Variants in CACNA2D4 observed in about 807,000 individuals in gnomAD.
CACNA2D4 encodes voltage-dependent calcium channel subunit alpha-2/delta-4.
In CACNA2D4, 157 loss-of-function variants were observed where a neutral mutation model predicts 163.8. The observed-to-expected ratio is 0.96, with a 90% confidence interval of 0.84 to 1.09. CACNA2D4 has a LOEUF of 1.09. CACNA2D4 is among the 50% of genes least tolerant of loss of function. The pLI, the probability that CACNA2D4 is intolerant of heterozygous loss-of-function variation, is 0.00. For missense variants in CACNA2D4, 1,410 were observed against 1,479.9 expected (o/e 0.95, Z 0.78); for synonymous variants, 598 against 586.9 (o/e 1.02, Z -0.27).
intron 26 of CACNA2D4, among the ~76,000 whole-genome samples, chr12:1,813,774 C>T (rs1380690881): frequency 6.6e-6 from 1 of 152,104 alleles, no homozygotes; most frequent in Non-Finnish European, 1.5e-5. Flanking sequence ...TTCCAGGTAG[C>T]TGAAAGGAGT....
At chr12:1,915,306 C>T (rs1021202699) in intron 1 of CACNA2D4, 6 of 701,368 alleles carry the variant, frequency 8.6e-6, no homozygotes, top group Non-Finnish European at 1.6e-5. Flanking sequence ...GGCAGGTTCT[C>T]CTGCTGAGGG....
chr12:1,800,695 G>A, intron 31 of CACNA2D4: 1 of 594,930 alleles, frequency 1.7e-6, no homozygotes, highest in Admixed American at 2.9e-5. Flanking sequence ...CCCTCCAGGA[G>A]ACGAGTCAAG....
chr12:1,800,003 C>T lies in CACNA2D4; in HGVS notation c.2971G>A (p.Glu991Lys), dbSNP rs558680428. The stretch of plus-strand genomic sequence containing the variant: ...CCCTGCAGCTCCGTGCACTCACCCT[C>T]GGCCCCTCTGTCGTACCAGGAGCCC... Reference protein sequence around the residue: ...VWGSWYDRGAEAKSVFHHSHK... With the variant: ...VWGSWYDRGAKAKSVFHHSHK... The change falls in exon 33 of 38, where the codon GAG becomes AAG. Residue 991 changes from glutamate to lysine, a missense_variant. Glu to Lys is a moderately conservative substitution (Grantham distance 56, BLOSUM62 1). Transcript: ENST00000382722. 4.7e-5 allele frequency: 75 copies of T among 1,603,784 alleles called. 1 individual carries two copies. Among genetic ancestry groups the T allele is most frequent in the South Asian group, 4.0e-4 (36 of 88,902 alleles).
At chr12:1,880,519 G>A (rs1002781466) in intron 13 of CACNA2D4, among the ~76,000 whole-genome samples, 7 of 152,236 alleles carry the variant, frequency 4.6e-5, no homozygotes, top group Admixed American at 2.6e-4. Context: ...TCGCCGTGCC[G>A]GCTCCTCCAG....
rs148585401 is a variant in CACNA2D4 at position 1,829,544 on chromosome 12, G to A, written c.2551+11195C>T. Among the ~76,000 whole-genome samples, 1,069 of 152,214 alleles carry A rather than the reference G, an allele frequency of 7.0e-3. 3 individuals carry two copies. Among genetic ancestry groups the A allele is most frequent in the Non-Finnish European group, 0.011 (730 of 67,984 alleles). ...GGAGGCCTGGGCCAGATCTAGCCAC[G>A]TGTCAGCTCTCAGCTGTCATCGATC... On this transcript the variant is annotated intron_variant, in intron 26 of 37. Transcript: ENST00000382722. This position sits in a 1 kb window ranked among gnomAD's most constrained non-coding sequence, Gnocchi z 4.2.
At chr12:1,895,498 T>G (rs957255572) in intron 6 of CACNA2D4, among the ~76,000 whole-genome samples, 2 of 152,016 alleles carry the variant, frequency 1.3e-5, no homozygotes, top group African/African-American at 4.8e-5. Flanking sequence ...TCAAAGTATG[T>G]TTCAAGGCTA....
At chr12:1,795,639 C>T (rs754195305) in intron 36 of CACNA2D4, 29 bp downstream of exon 36, 8 of 1,481,560 alleles carry the variant, frequency 5.4e-6, no homozygotes, top group East Asian at 2.3e-5. Flanking sequence ...CCGCCCCCAC[C>T]GCACACATCC....
chr12:1,858,705 G>T, intron 19 of CACNA2D4, 61 bp from the exon 20 acceptor site: 1 of 1,408,490 alleles, frequency 7.1e-7, no homozygotes, highest in Non-Finnish European at 9.8e-7. Context: ...TGTCTCCCGG[G>T]CCTCGTCCTT....
rs1555187605 is a variant in CACNA2D4, at chr12:1,907,980, C to A, written c.544G>T (p.Glu182Ter). The change falls in exon 5 of 38, where the codon GAG becomes TAG. Residue 182 changes from glutamate (E) to a stop codon, truncating the protein, a stop_gained. Coordinates refer to ENST00000382722, the MANE Select transcript of CACNA2D4 (RefSeq NM_172364.5). LOFTEE classifies it high-confidence loss of function. The stretch of plus-strand genomic sequence containing the variant: ...TCCAGGAGGAACTCGGCGCCCAGCT[C>A]CACGAAGTTGCCCTTCTCGTCCCTC... Reference protein sequence around the residue: ...NERDEKGNFVELGAEFLLESN... With the variant: ...NERDEKGNFV 6.2e-7 allele frequency: 1 copy of A among 1,614,034 alleles called. No individual in the cohort carries two copies. The highest frequency in any genetic ancestry group is 1.3e-5 in the African/African-American group (1 of 75,068).
chr12:1,876,708 C>T (rs1488942363), intron 16 of CACNA2D4, among the ~76,000 whole-genome samples: 1 of 152,136 alleles, frequency 6.6e-6, no homozygotes, highest in African/African-American at 2.4e-5. Context: ...CTTTCCCATG[C>T]CTGGATCATG....
At chr12:1,879,088 G>C in intron 14 of CACNA2D4, 52 bp from the exon 15 acceptor site, 1 of 1,457,680 alleles carries the variant, frequency 6.9e-7, no homozygotes, top group Non-Finnish European at 9.6e-7. Context: ...CTGTGTACAA[G>C]GTTAGACTGG....
intron 6 of CACNA2D4, among the ~76,000 whole-genome samples, chr12:1,899,163 C>T (rs933764157): frequency 6.6e-6 from 1 of 151,942 alleles, no homozygotes; most frequent in Non-Finnish European, 1.5e-5. Context: ...CTGTGAGATG[C>T]AGCAAAAACA....
chr12:1,896,388 A>AAAAAC (rs772059699), intron 6 of CACNA2D4, among the ~76,000 whole-genome samples: 6 of 152,342 alleles, frequency 3.9e-5, no homozygotes, highest in South Asian at 2.1e-4. Context: ...ACTCAACAGT[A>AAAAAC]AAAACAAAAC....
At chr12:1,912,998 C>T (rs771872245) in intron 3 of CACNA2D4, 25 bp downstream of exon 3, 2 of 1,486,152 alleles carry the variant, frequency 1.3e-6, no homozygotes, top group South Asian at 1.1e-5. Flanking sequence ...GGAGAAACGC[C>T]CTGCAGATCA....
At chr12:1,850,270 C>T (rs145324095) in intron 23 of CACNA2D4, among the ~76,000 whole-genome samples, 8 of 152,256 alleles carry the variant, frequency 5.3e-5, no homozygotes, top group Admixed American at 1.3e-4. Context: ...GTCTGAGAGG[C>T]GAGAAGTCCA....
intron 25 of CACNA2D4, among the ~76,000 whole-genome samples, chr12:1,841,984 T>C (rs769762211): frequency 1.3e-5 from 2 of 152,116 alleles, no homozygotes; most frequent in African/African-American, 2.4e-5. Context: ...ATCTCGAAGG[T>C]GGTGATGTGG....
intron 6 of CACNA2D4, among the ~76,000 whole-genome samples, chr12:1,902,201 A>G (rs1866554356): frequency 6.6e-6 from 1 of 152,110 alleles, no homozygotes; most frequent in African/African-American, 2.4e-5. Context: ...TGGGTATACA[A>G]GGAACATACC....
intron 2 of CACNA2D4, among the ~76,000 whole-genome samples, chr12:1,913,636 C>T (rs1358714042): frequency 6.6e-6 from 1 of 152,228 alleles, no homozygotes; most frequent in African/African-American, 2.4e-5. Flanking sequence ...TCCCACTGTC[C>T]CAGCAGAGCT....
chr12:1,793,581 C>T lies in CACNA2D4; in HGVS notation c.*74G>A. 1.0e-5 allele frequency: 14 copies of T among 1,334,566 alleles called. No homozygotes were observed. Among genetic ancestry groups the T allele is most frequent in the Non-Finnish European group, 1.4e-5 (13 of 928,210 alleles). The allele number at this position is 1,334,566 out of a possible 1,614,324, so 82.7% of individuals were successfully genotyped here. ...CGACCCAACTGCAGTTAGCTGCATC[C>T]CATGTCAGTGCTGACTTTTTGGGAT... On this transcript the variant is annotated 3_prime_UTR_variant, in exon 38 of 38. Coordinates refer to ENST00000382722, the MANE Select transcript of CACNA2D4 (RefSeq NM_172364.5).
Sources: allele counts gnomAD v4.1 joint callset (sites outside exome capture counted in the v4.1 genomes callset), GRCh38; gene constraint gnomAD v4.1.1; non-coding constraint Gnocchi (gnomAD v3.1); transcripts MANE v1.5; gene names NCBI Gene and HGNC (gene_info 2026-07-23, HGNC 2026-07-21).